Variants in KIF26B observed in about 807,000 individuals in gnomAD.
The protein encoded by KIF26B is kinesin family member 26B.
A neutral mutation model predicts 151.2 loss-of-function variants in KIF26B; 63 were observed. That is an observed-to-expected ratio of 0.42 (90% CI 0.34 to 0.51). The LOEUF (loss-of-function observed/expected upper bound fraction) is 0.51. Among genes scored for constraint, KIF26B ranks in the 20% least tolerant of loss-of-function variants. The pLI, the probability that KIF26B is intolerant of heterozygous loss-of-function variation, is 0.07. For synonymous variants in KIF26B, 1,357 were observed against 1,262.1 expected, an observed-to-expected ratio of 1.08 and a Z score of -1.59; for missense variants, 2,813 against 2,913.6, an observed-to-expected ratio of 0.97 and a Z score of 0.79.
At chr1:245,696,724 G>A (rs1447921361) in intron 12 of KIF26B, among the ~76,000 whole-genome samples, 2 of 152,214 alleles carry the variant, frequency 1.3e-5, no homozygotes, top group Non-Finnish European at 2.9e-5. Flanking sequence ...CGTGGTCGAT[G>A]TTACTTAGTT....
rs188430972 is a variant in KIF26B at position 245,573,122 on chromosome 1, T to C, written c.1351-29455T>C. Among the ~76,000 whole-genome samples the C allele has an allele frequency of 2.4e-3, 358 of 152,338 alleles. 3 individuals are homozygous for C. Among genetic ancestry groups the C allele is most frequent in the Non-Finnish European group, 4.0e-3 (272 of 68,040 alleles). Reference sequence around the variant, plus strand: ...AGAAACAAAGGGTTATGCTCCGTCATTGTCCCCAAGAGGGTTACACATGAG... The same window carrying C: ...AGAAACAAAGGGTTATGCTCCGTCACTGTCCCCAAGAGGGTTACACATGAG... On this transcript the variant is annotated intron_variant, in intron 5 of 14. Coordinates refer to ENST00000407071, the MANE Select transcript of KIF26B (RefSeq NM_018012.4).
At chr1:245,526,674 G>T (rs1371545310) in intron 4 of KIF26B, among the ~76,000 whole-genome samples, 3 of 152,196 alleles carry the variant, frequency 2.0e-5, no homozygotes, top group African/African-American at 7.2e-5. Context: ...GCTTTGCTCT[G>T]AAAGAGCTAC....
intron 2 of KIF26B, among the ~76,000 whole-genome samples, chr1:245,213,543 A>G (rs1669584409): frequency 6.6e-6 from 1 of 152,128 alleles, no homozygotes; most frequent in Non-Finnish European, 1.5e-5. Context: ...TGGAAGAGAG[A>G]TGGGAGGACA....
At chr1:245,636,893 A>G (rs1347548544) in intron 9 of KIF26B, among the ~76,000 whole-genome samples, 1 of 148,458 alleles carries the variant, frequency 6.7e-6, no homozygotes, top group Non-Finnish European at 1.5e-5. Context: ...TATCTATCTC[A>G]CATTTTCTTT....
At chr1:245,694,907 A>T (rs1431090494) in intron 12 of KIF26B, among the ~76,000 whole-genome samples, 2 of 152,140 alleles carry the variant, frequency 1.3e-5, no homozygotes, top group African/African-American at 2.4e-5. Context: ...ATGAGCAGGG[A>T]GGGGTTGAAA....
intron 3 of KIF26B, among the ~76,000 whole-genome samples, chr1:245,391,753 A>G (rs1673707402): frequency 6.6e-6 from 1 of 152,132 alleles, no homozygotes; most frequent in Non-Finnish European, 1.5e-5. Flanking sequence ...TACATTTCAT[A>G]CAATATTTAT....
chr1:245,282,767 T>C (rs1414929729), intron 2 of KIF26B: 1 of 171,842 alleles, frequency 5.8e-6, no homozygotes, highest in Non-Finnish European at 1.3e-5. Flanking sequence ...GGGAGCTTCT[T>C]CCTTCTCCCT....
At chr1:245,254,860 T>C (rs1054415936) in intron 2 of KIF26B, among the ~76,000 whole-genome samples, 5 of 152,198 alleles carry the variant, frequency 3.3e-5, no homozygotes, top group African/African-American at 1.2e-4. Context: ...TTCAGGAGCA[T>C]GGCTTATGAC....
intron 2 of KIF26B, among the ~76,000 whole-genome samples, chr1:245,212,594 C>T (rs1161596822): frequency 1.3e-5 from 2 of 152,218 alleles, no homozygotes; most frequent in East Asian, 1.9e-4. Context: ...TTGCTACCAT[C>T]GAGAGCAGCA....
chr1:245,385,598 C>G (rs1182045862), intron 3 of KIF26B, among the ~76,000 whole-genome samples: 4 of 152,062 alleles, frequency 2.6e-5, no homozygotes, highest in Admixed American at 1.3e-4. Context: ...CCTGGGGCGG[C>G]GTGGAGCTGT....
At chr1:245,390,247 C>G (rs1225722104) in intron 3 of KIF26B, among the ~76,000 whole-genome samples, 3 of 150,620 alleles carry the variant, frequency 2.0e-5, no homozygotes, top group Non-Finnish European at 4.4e-5. Flanking sequence ...GAGACAGAGT[C>G]TCACTCTGTC....
intron 2 of KIF26B, among the ~76,000 whole-genome samples, chr1:245,247,559 C>T (rs774621209): frequency 3.7e-4 from 57 of 152,276 alleles, no homozygotes; most frequent in African/African-American, 8.2e-4. Context: ...ACATTCTGCC[C>T]GAGAAGCAGG....
Position 245,698,919 on chromosome 1 carries a change from T to C in KIF26B, c.6060T>C (p.Ile2020=), listed in dbSNP as rs1423499177. The change falls in exon 14 of 15, where the codon ATT becomes ATC. Residue 2020 remains isoleucine, a synonymous_variant. Coordinates refer to ENST00000407071, the MANE Select transcript of KIF26B (RefSeq NM_018012.4). The surrounding 1 kb of genome is among the most constrained non-coding windows in gnomAD (Gnocchi z 4.0). Reference sequence around the variant, plus strand: ...TGTGCTTCAATGCAAAGCTGAAGATTCTGGAACACCGCCAGCAGAGGATCG... The same window carrying C: ...TGTGCTTCAATGCAAAGCTGAAGATCCTGGAACACCGCCAGCAGAGGATCG... ...EAMCFNAKLK[I]LEHRQQRIAE... 6 of 1,613,864 alleles carry C rather than the reference T, an allele frequency of 3.7e-6. No homozygotes were observed. The East Asian group carries it at 6.7e-5, about 18-fold the overall frequency.
intron 3 of KIF26B, among the ~76,000 whole-genome samples, chr1:245,416,579 A>G (rs1406275563): frequency 6.6e-6 from 1 of 152,156 alleles, no homozygotes; most frequent in Non-Finnish European, 1.5e-5. Context: ...AAGTGGAGAT[A>G]CTGAGGGAAA....
intron 2 of KIF26B, among the ~76,000 whole-genome samples, chr1:245,345,696 G>T (rs190646441): frequency 9.0e-4 from 137 of 152,106 alleles, no homozygotes; most frequent in Admixed American, 2.9e-3. Context: ...GTGAGTTCTC[G>T]TGAGATCTGG....
intron 4 of KIF26B, among the ~76,000 whole-genome samples, chr1:245,496,117 T>C (rs982439008): frequency 6.6e-6 from 1 of 152,098 alleles, no homozygotes; most frequent in African/African-American, 2.4e-5. Flanking sequence ...CAGGAAGGAA[T>C]GAAAGCTGAC....
chr1:245,262,985 TA>T (rs1670675572), intron 2 of KIF26B, among the ~76,000 whole-genome samples: 1 of 152,248 alleles, frequency 6.6e-6, no homozygotes, highest in Non-Finnish European at 1.5e-5. Context: ...ACCTGGCACA[TA>T]AGAAAAATTC....
intron 9 of KIF26B, among the ~76,000 whole-genome samples, chr1:245,638,044 T>C (rs1192030580): frequency 6.6e-6 from 1 of 151,988 alleles, no homozygotes; most frequent in Non-Finnish European, 1.5e-5. Flanking sequence ...GTGAAGAATG[T>C]CATGAGTATT....
chr1:245,249,655 G>A (rs1004103139), intron 2 of KIF26B, among the ~76,000 whole-genome samples: 1 of 151,958 alleles, frequency 6.6e-6, no homozygotes, highest in African/African-American at 2.4e-5. Context: ...GCTAACTTTT[G>A]TATTTTTAGT....
Sources: allele counts gnomAD v4.1 joint callset (sites outside exome capture counted in the v4.1 genomes callset), GRCh38; gene constraint gnomAD v4.1.1; non-coding constraint Gnocchi (gnomAD v3.1); transcripts MANE v1.5; gene names NCBI Gene and HGNC (gene_info 2026-07-23, HGNC 2026-07-21).